PRDM16: variants seen among roughly 807,000 people sequenced by gnomAD.
The protein encoded by PRDM16 is PR/SET domain 16, also known as histone-lysine N-methyltransferase PRDM16.
A neutral mutation model predicts 110.6 loss-of-function variants in PRDM16; 23 were observed. The ratio of observed to expected loss-of-function variants is 0.21; its 90% CI spans 0.15 to 0.29. The LOEUF is 0.29. PRDM16 is among the 10% of genes least tolerant of loss of function. The pLI is 1.00. For missense variants in PRDM16, 1,615 were observed against 1,794.3 expected (o/e 0.90, Z 1.81); for synonymous variants, 799 against 781.8 (o/e 1.02, Z -0.37).
intron 5 of PRDM16, among the ~76,000 whole-genome samples, chr1:3,398,921 T>C (rs1643425896): frequency 6.6e-6 from 1 of 152,174 alleles, no homozygotes; most frequent in South Asian, 2.1e-4. Context: ...AGGAGACCCT[T>C]GGGGGCCAGC....
chr1:3,384,339 A>T (rs1569635997), intron 3 of PRDM16, among the ~76,000 whole-genome samples: 1 of 152,068 alleles, frequency 6.6e-6, no homozygotes, highest in Non-Finnish European at 1.5e-5. Context: ...TGAATTCAGA[A>T]CCCAGAGTAG....
In PRDM16 at chr1:3,434,684, C is replaced by A. The variant is rs533816326; in HGVS notation, c.*873C>A. 593 of 232,654 alleles carry A rather than the reference C, an allele frequency of 2.5e-3. 4 individuals are homozygous for A. Among genetic ancestry groups the A allele is most frequent in the African/African-American group, 0.012 (561 of 45,414 alleles). 14.4% of individuals were successfully genotyped at this position (232,654 alleles called of 1,614,324 possible). A position where few individuals can be genotyped will look rare whatever the true frequency, so the allele number is the denominator to read the frequency against. The stretch of plus-strand genomic sequence containing the variant: ...CCGCCACGTGGCCTTCAGAGGAATC[C>A]ACAGGTCCCCACCCAAGATCCCTCA... On this transcript the variant is annotated 3_prime_UTR_variant, in exon 17 of 17. Transcript: ENST00000270722.
chr1:3,196,596 A>G (rs534470954), intron 2 of PRDM16, among the ~76,000 whole-genome samples: 1 of 152,324 alleles, frequency 6.6e-6, no homozygotes, highest in South Asian at 2.1e-4. Context: ...GGGTTCAGCC[A>G]GGAACCGCAG....
chr1:3,130,751 G>A (rs77887268), intron 1 of PRDM16, among the ~76,000 whole-genome samples: 140 of 149,970 alleles, frequency 9.3e-4, no homozygotes, highest in African/African-American at 3.2e-3. Flanking sequence ...CTTTTCCCCC[G>A]TGAGCTGCAT....
intron 2 of PRDM16, among the ~76,000 whole-genome samples, chr1:3,203,904 G>A (rs1483260606): frequency 6.6e-6 from 1 of 152,134 alleles, no homozygotes; most frequent in African/African-American, 2.4e-5. Context: ...GCATTTCCAG[G>A]TATAGCAGGT....
rs1020389230 is a variant in PRDM16, at chr1:3,390,336, CAG to C, written c.573+5051_573+5052del. Among the ~76,000 whole-genome samples the C allele has an allele frequency of 1.0e-3, 159 of 152,242 alleles. 1 individual carries two copies. Among genetic ancestry groups the C allele is most frequent in the African/African-American group, 3.5e-3 (147 of 41,552 alleles). On this transcript the variant is annotated intron_variant, in intron 4 of 16. Coordinates refer to ENST00000270722, the MANE Select transcript of PRDM16 (RefSeq NM_022114.4). This position sits in a 1 kb window ranked among gnomAD's most constrained non-coding sequence, Gnocchi z 5.0. ...AACACAAATGTCGGGGAGCTGGACT[CAG>C]GGGTGCGGGCCCCCCAGCGTACCAC...
At chr1:3,211,867 T>C (rs1255437889) in intron 2 of PRDM16, among the ~76,000 whole-genome samples, 1 of 152,022 alleles carries the variant, frequency 6.6e-6, no homozygotes, top group Non-Finnish European at 1.5e-5. Context: ...GGGCCCGGCG[T>C]GAGTGTGTGG....
At position 3,080,038 on chromosome 1, in the gene PRDM16, T is replaced by G. The variant is rs1569419; in HGVS notation, c.37+10742T>G. The stretch of plus-strand genomic sequence containing the variant: ...AGCTGGTCACTGTGGGAGAAGAGAC[T>G]GGAAAAGTTCAAAGGTGGAGAGGCG... On this transcript the variant is annotated intron_variant, in intron 1 of 16. Coordinates refer to ENST00000270722, the MANE Select transcript of PRDM16 (RefSeq NM_022114.4). This position sits in a 1 kb window ranked among gnomAD's most constrained non-coding sequence, Gnocchi z 5.2. Among the ~76,000 whole-genome samples the G allele has an allele frequency of 6.6e-6, 1 of 152,038 alleles. No individual in the cohort carries two copies.
intron 1 of PRDM16, among the ~76,000 whole-genome samples, chr1:3,158,963 GT>G (rs1271576197): frequency 6.6e-6 from 1 of 152,116 alleles, no homozygotes; most frequent in African/African-American, 2.4e-5. Context: ...TAGAGACGGG[GT>G]TTCCCCCATG....
Position 3,098,976 on chromosome 1 carries a change from C to T in PRDM16, c.37+29680C>T, listed in dbSNP as rs538780222. On this transcript the variant is annotated intron_variant, in intron 1 of 16. Transcript: ENST00000270722. ...GGCTGAGCGGCCTCACTGAGGAGGG[C>T]GAGAAAAGGAGCTGGTCCATCCCTG... is the stretch of plus-strand genomic sequence containing the variant. Among the ~76,000 whole-genome samples, 22 of 152,310 alleles carry T rather than the reference C, an allele frequency of 1.4e-4. 1 individual carries two copies. The highest frequency in any genetic ancestry group is 4.6e-4 in the Admixed American group (7 of 15,308).
intron 3 of PRDM16, among the ~76,000 whole-genome samples, chr1:3,297,669 A>T (rs896382554): frequency 4.6e-5 from 7 of 152,038 alleles, no homozygotes; most frequent in African/African-American, 1.7e-4. Flanking sequence ...AGAGAGGGGG[A>T]TGAGGCTCCT....
chr1:3,107,233 C>A (rs1366171727), intron 1 of PRDM16, among the ~76,000 whole-genome samples: 1 of 152,244 alleles, frequency 6.6e-6, no homozygotes, highest in Non-Finnish European at 1.5e-5. Flanking sequence ...CTGCCTATGT[C>A]CCCACCCTGT....
intron 4 of PRDM16, among the ~76,000 whole-genome samples, chr1:3,387,556 G>A (rs2100610846): frequency 6.6e-6 from 1 of 152,312 alleles, no homozygotes; most frequent in East Asian, 1.9e-4. Flanking sequence ...AGGTAGCACA[G>A]CCGGTGACGT....
At chr1:3,173,714 C>G (rs1262318020) in intron 1 of PRDM16, among the ~76,000 whole-genome samples, 1 of 152,248 alleles carries the variant, frequency 6.6e-6, no homozygotes, top group Non-Finnish European at 1.5e-5. Flanking sequence ...GTGCTTCTCT[C>G]CGAGCTTCAG....
intron 3 of PRDM16, among the ~76,000 whole-genome samples, chr1:3,326,030 TCCTTGGCCATCCTCGGCCCTCTTGGCCCC>T (rs1553163812): frequency 0.025 from 3,129 of 123,918 alleles, 163 homozygotes; most frequent in East Asian, 0.033. Context: ...TCCTTGGCCC[TCCTTGGCCATCCTCGGCCCTCTTGGCCCC>T]CCTTGGCCAT....
intron 2 of PRDM16, among the ~76,000 whole-genome samples, chr1:3,241,531 G>T (rs902285232): frequency 2.0e-5 from 3 of 152,188 alleles, no homozygotes; most frequent in Non-Finnish European, 4.4e-5. Flanking sequence ...TCAGTGCGTC[G>T]CATGTAACGC....
At position 3,242,822 on chromosome 1, in the gene PRDM16, G is replaced by A. The variant is rs536947896; in HGVS notation, c.388-1265G>A. On this transcript the variant is annotated intron_variant, in intron 2 of 16. Coordinates refer to ENST00000270722, the MANE Select transcript of PRDM16 (RefSeq NM_022114.4). ...TCTTTGGCTTGAGCATCATTTTCTC[G>A]TTTTATTTTTCAAGTATCAGTTTCA... 3.3e-5 allele frequency among the ~76,000 whole-genome samples: 5 copies of A among 152,284 alleles called. No individual in the cohort carries two copies. The East Asian group carries it at 5.8e-4, about 18-fold the overall frequency.
At chr1:3,171,831 C>T (rs1644028637) in intron 1 of PRDM16, among the ~76,000 whole-genome samples, 1 of 152,238 alleles carries the variant, frequency 6.6e-6, no homozygotes, top group East Asian at 1.9e-4. Flanking sequence ...TGTGGCCACC[C>T]GGGCCCTCCA....
intron 5 of PRDM16, among the ~76,000 whole-genome samples, chr1:3,397,447 T>A (rs1643402674): frequency 6.6e-6 from 1 of 152,236 alleles, no homozygotes; most frequent in Non-Finnish European, 1.5e-5. Flanking sequence ...CATTCCTGCC[T>A]TCACGTCATG....
Sources: gnomAD v4.1 joint callset for allele counts (sites outside exome capture counted in the v4.1 genomes callset) on GRCh38, gnomAD v4.1.1 for gene constraint, Gnocchi (gnomAD v3.1) non-coding constraint, MANE v1.5 for transcripts, NCBI Gene and HGNC (gene_info 2026-07-23, HGNC 2026-07-21) for gene names.